The following HDAC4 variants were observed in gnomAD, a reference collection of about 807,000 sequenced individuals.
The protein encoded by HDAC4 is histone deacetylase A.
Under a neutral mutation model 135.1 loss-of-function variants are expected in HDAC4, and 16 were observed. The ratio of observed to expected loss-of-function variants is 0.12; its 90% CI spans 0.08 to 0.18. The LOEUF is 0.18. HDAC4 is among the 10% of genes least tolerant of loss of function. HDAC4 has a pLI of 1.00. For synonymous variants in HDAC4, 685 were observed against 653.4 expected, an observed-to-expected ratio of 1.05 and a Z score of -0.74; for missense variants, 1,143 against 1,511.8, an observed-to-expected ratio of 0.76 and a Z score of 4.05.
chr2:239,214,993 G>A (rs2046548879), intron 3 of HDAC4, among the ~76,000 whole-genome samples: 1 of 152,194 alleles, frequency 6.6e-6, no homozygotes, highest in African/African-American at 2.4e-5. Context: ...ACGCCCAGCT[G>A]GGGATCGACG....
intron 2 of HDAC4, among the ~76,000 whole-genome samples, chr2:239,268,657 C>T (rs1309035645): frequency 2.0e-5 from 3 of 152,202 alleles, no homozygotes; most frequent in Admixed American, 6.5e-5. Context: ...CCCAGGTGAC[C>T]ACCCATTTCC....
intron 3 of HDAC4, among the ~76,000 whole-genome samples, chr2:239,192,412 G>A (rs1034721635): frequency 6.6e-5 from 10 of 152,140 alleles, no homozygotes; most frequent in Non-Finnish European, 1.5e-4. Flanking sequence ...AAGCAATGCT[G>A]GTTTTATGAA....
chr2:239,081,781 T>C (rs1014505608), intron 21 of HDAC4, among the ~76,000 whole-genome samples: 8 of 152,148 alleles, frequency 5.3e-5, no homozygotes, highest in Admixed American at 5.2e-4. Flanking sequence ...GAGGGTGTCC[T>C]GTGGAAGACA....
At chr2:239,192,211 GC>G (rs942658839) in intron 3 of HDAC4, among the ~76,000 whole-genome samples, 4 of 117,074 alleles carry the variant, frequency 3.4e-5, no homozygotes, top group Admixed American at 1.1e-4. Flanking sequence ...ATGTGCAGGA[GC>G]AGAAAGCAGG....
At chr2:239,067,573 C>T (rs11884306) in intron 23 of HDAC4, among the ~76,000 whole-genome samples, 2,080 of 152,316 alleles carry the variant, frequency 0.014, 58 homozygotes, top group African/African-American at 0.048. Flanking sequence ...ATGTGGTGGC[C>T]GCGGTGCTCC....
At chr2:239,267,388 T>C (rs912147832) in intron 2 of HDAC4, among the ~76,000 whole-genome samples, 1 of 152,132 alleles carries the variant, frequency 6.6e-6, no homozygotes, top group East Asian at 1.9e-4. Context: ...TGGCCAACAG[T>C]TCCCAGCGGA....
intron 2 of HDAC4, among the ~76,000 whole-genome samples, chr2:239,247,385 CT>C (rs1462785884): frequency 3.3e-5 from 5 of 152,154 alleles, no homozygotes; most frequent in Non-Finnish European, 5.9e-5. Flanking sequence ...AATATCCCCC[CT>C]GTCGAGTGGA....
At chr2:239,225,309 G>C (rs1224442116) in intron 3 of HDAC4, among the ~76,000 whole-genome samples, 4 of 152,240 alleles carry the variant, frequency 2.6e-5, no homozygotes, top group African/African-American at 9.6e-5. Flanking sequence ...CATCCGAAAG[G>C]AAGAAGGGCT....
At chr2:239,177,916 A>T (rs2043876218) in intron 4 of HDAC4, among the ~76,000 whole-genome samples, 1 of 152,232 alleles carries the variant, frequency 6.6e-6, no homozygotes, top group Non-Finnish European at 1.5e-5. Context: ...GGCGCTGACG[A>T]GTGTGGGAAG....
chr2:239,184,733 T>C (rs113673562), intron 4 of HDAC4, among the ~76,000 whole-genome samples: 2 of 75,936 alleles, frequency 2.6e-5, no homozygotes, highest in Non-Finnish European at 5.5e-5. Flanking sequence ...TCAGTGTCTG[T>C]CCTGGAGACT....
chr2:239,380,442 T>G (rs1312695235), intron 1 of HDAC4, among the ~76,000 whole-genome samples: 1 of 152,226 alleles, frequency 6.6e-6, no homozygotes, highest in Admixed American at 6.5e-5. Context: ...AAACATTTGT[T>G]TTTTCCCATC....
At chr2:239,136,223 T>G (rs1017854072) in intron 9 of HDAC4, among the ~76,000 whole-genome samples, 1 of 152,174 alleles carries the variant, frequency 6.6e-6, no homozygotes, top group Non-Finnish European at 1.5e-5. Context: ...AGATAACAGA[T>G]TTCATTATAC....
At chr2:239,327,210 C>A (rs527567543) in intron 2 of HDAC4, among the ~76,000 whole-genome samples, 1 of 152,356 alleles carries the variant, frequency 6.6e-6, no homozygotes, top group South Asian at 2.1e-4. Flanking sequence ...TGGCTTTGCC[C>A]TGGGAGCCTA....
At chr2:239,318,293 C>A (rs569415201) in intron 2 of HDAC4, among the ~76,000 whole-genome samples, 24 of 152,312 alleles carry the variant, frequency 1.6e-4, no homozygotes, top group African/African-American at 5.8e-4. Flanking sequence ...CCAAGCCCAG[C>A]GGCATCACTG....
chr2:239,061,159 G>A lies in HDAC4; in HGVS notation c.3003+5563C>T, dbSNP rs577492408. On this transcript the variant is annotated intron_variant, in intron 24 of 26. Coordinates refer to ENST00000543185, the MANE Select transcript of HDAC4 (RefSeq NM_001378414.1). ...GAGTGTGAGTGTGTGGTGTGTGTAA[G>A]CATTCATGTGTATGAATGTGCGTGA... is the stretch of plus-strand genomic sequence containing the variant. 1.5e-3 allele frequency among the ~76,000 whole-genome samples: 234 copies of A among 152,298 alleles called. 1 individual carries two copies. The highest frequency in any genetic ancestry group is 5.3e-3 in the African/African-American group (222 of 41,568).
chr2:239,058,900 G>A (rs2032263057), intron 24 of HDAC4, among the ~76,000 whole-genome samples: 1 of 152,194 alleles, frequency 6.6e-6, no homozygotes, highest in Non-Finnish European at 1.5e-5. Flanking sequence ...GGAAACAGAC[G>A]GAGAGGACAC....
In HDAC4 at chr2:239,129,240, G is replaced by A. The variant is rs574402630; in HGVS notation, c.1295-2546C>T. ...CCCTACCCCTGGGTATCCTTGAAAA[G>A]CAGCGCCCTGACCTCTGCATAGCAA... On this transcript the variant is annotated intron_variant, in intron 11 of 26. Transcript: ENST00000543185. Among the ~76,000 whole-genome samples the A allele has an allele frequency of 7.2e-5, 11 of 152,324 alleles. No individual in the cohort carries two copies. The South Asian group carries it at 2.3e-3, about 32-fold the overall frequency.
At chr2:239,277,987 C>CA (rs2125321934) in intron 2 of HDAC4, among the ~76,000 whole-genome samples, 1 of 151,542 alleles carries the variant, frequency 6.6e-6, no homozygotes, top group East Asian at 1.9e-4. Context: ...GCCAGCCACA[C>CA]ACCCCAGCCA....
intron 14 of HDAC4, among the ~76,000 whole-genome samples, chr2:239,110,998 G>A (rs975748005): frequency 7.2e-5 from 11 of 152,226 alleles, no homozygotes; most frequent in South Asian, 2.1e-4. Context: ...TCGCCTCCCC[G>A]GGGTGAGGAT....
Sources: gnomAD v4.1 joint callset for allele counts (sites outside exome capture counted in the v4.1 genomes callset) on GRCh38, gnomAD v4.1.1 for gene constraint, MANE v1.5 for transcripts, NCBI Gene and HGNC (gene_info 2026-07-23, HGNC 2026-07-21) for gene names.